Variants in MBD5 observed in about 807,000 individuals in gnomAD.
MBD5 encodes the protein methyl-CpG-binding domain protein 5.
In MBD5, 13 loss-of-function variants were observed where a neutral mutation model predicts 117.3. That is an observed-to-expected ratio of 0.11 (90% CI 0.07 to 0.18). MBD5 has a LOEUF of 0.18. MBD5 is among the 10% of genes least tolerant of loss of function. MBD5 has a pLI of 1.00. For synonymous variants in MBD5, 727 were observed against 766.4 expected, an observed-to-expected ratio of 0.95 and a Z score of 0.85; for missense variants, 1,879 against 2,093.8, an observed-to-expected ratio of 0.90 and a Z score of 2.00.
chr2:148,118,435 A>AAAAAATATAT (rs1021339753), intron 1 of MBD5, among the ~76,000 whole-genome samples: 2 of 148,490 alleles, frequency 1.3e-5, no homozygotes, highest in African/African-American at 5.0e-5. Context: ...CATAAAAAAA[A>AAAAAATATAT]ATATATATAT....
chr2:148,091,357 C>A (rs555609139), intron 1 of MBD5, among the ~76,000 whole-genome samples: 10 of 152,214 alleles, frequency 6.6e-5, no homozygotes, highest in Admixed American at 5.2e-4. Context: ...CAAAGCAAGA[C>A]TAAGCAAAAA....
At chr2:148,197,236 C>T (rs1241994793) in intron 2 of MBD5, among the ~76,000 whole-genome samples, 1 of 152,124 alleles carries the variant, frequency 6.6e-6, no homozygotes. Flanking sequence ...GACTGAGCCA[C>T]GTGAGAGGCT....
At chr2:148,308,487 CTTTCTT>C (rs1166890957) in intron 3 of MBD5, among the ~76,000 whole-genome samples, 13 of 27,696 alleles carry the variant, frequency 4.7e-4, no homozygotes, top group South Asian at 1.5e-3. Context: ...TGATGGGGTT[CTTTCTT>C]TTTTTTTTTT....
At chr2:148,290,354 T>TA (rs888086403) in intron 3 of MBD5, among the ~76,000 whole-genome samples, 6 of 151,974 alleles carry the variant, frequency 3.9e-5, no homozygotes, top group African/African-American at 1.2e-4. Flanking sequence ...TTGGGAAAGA[T>TA]ATATTTCTTA....
intron 4 of MBD5, among the ~76,000 whole-genome samples, chr2:148,353,673 C>A (rs1703301257): frequency 1.3e-5 from 2 of 151,958 alleles, no homozygotes; most frequent in Non-Finnish European, 2.9e-5. Context: ...TTCCGCCTCC[C>A]AAGCTCAAGT....
chr2:148,369,924 C>T (rs559447585), intron 4 of MBD5, among the ~76,000 whole-genome samples: 5 of 152,250 alleles, frequency 3.3e-5, no homozygotes, highest in African/African-American at 9.6e-5. Flanking sequence ...ACACATAAAA[C>T]TACTACATCC....
At chr2:148,063,550 A>C (rs891730710) in intron 1 of MBD5, among the ~76,000 whole-genome samples, 1 of 92,714 alleles carries the variant, frequency 1.1e-5, no homozygotes, top group Non-Finnish European at 2.1e-5. Context: ...TTTTCCAAGA[A>C]AACTTTTTTT....
intron 5 of MBD5, among the ~76,000 whole-genome samples, chr2:148,459,531 C>A (rs1208687893): frequency 6.6e-6 from 1 of 152,154 alleles, no homozygotes; most frequent in Non-Finnish European, 1.5e-5. Flanking sequence ...TAGTTGACAT[C>A]TAAGTTCCCT....
At chr2:148,452,652 T>C (rs1427440108) in intron 4 of MBD5, among the ~76,000 whole-genome samples, 1 of 152,230 alleles carries the variant, frequency 6.6e-6, no homozygotes, top group Non-Finnish European at 1.5e-5. Flanking sequence ...TTAATTTTTA[T>C]ATTGCTACAC....
intron 1 of MBD5, among the ~76,000 whole-genome samples, chr2:148,033,602 T>C (rs1694102925): frequency 6.6e-6 from 1 of 152,154 alleles, no homozygotes; most frequent in African/African-American, 2.4e-5. Context: ...AAATAATTGA[T>C]TAAGCAACTT....
chr2:148,316,058 G>C (rs1702149624), intron 3 of MBD5, among the ~76,000 whole-genome samples: 1 of 152,130 alleles, frequency 6.6e-6, no homozygotes, highest in African/African-American at 2.4e-5. Context: ...AGGAGGAAGA[G>C]AGCAAAGAGG....
chr2:148,394,545 G>GTTTTTTTTTTTTTCTTT (rs1704651751), intron 4 of MBD5, among the ~76,000 whole-genome samples: 3 of 121,852 alleles, frequency 2.5e-5, no homozygotes, highest in Non-Finnish European at 3.4e-5. Context: ...CTGTACTTTG[G>GTTTTTTTTTTTTTCTTT]TTTTTTTTTT....
intron 3 of MBD5, among the ~76,000 whole-genome samples, chr2:148,294,874 C>A (rs1317754792): frequency 6.6e-6 from 1 of 152,142 alleles, no homozygotes; most frequent in Non-Finnish European, 1.5e-5. Context: ...TTTATATCAT[C>A]CCTCTGCCTT....
chr2:148,176,315 T>G (rs867954935), intron 1 of MBD5, among the ~76,000 whole-genome samples: 1 of 151,308 alleles, frequency 6.6e-6, no homozygotes, highest in Non-Finnish European at 1.5e-5. Context: ...TTTTTTTTTT[T>G]TTTTTTTCAG....
In MBD5 at chr2:148,021,478, C is replaced by CTGT. The variant is rs1189845096; in HGVS notation, c.-1128_-1126dup. 3 of 576,848 alleles carry CTGT rather than the reference C, an allele frequency of 5.2e-6. No homozygotes were observed. The highest frequency in any genetic ancestry group is 1.0e-5 in the Non-Finnish European group (3 of 299,496). 35.7% of individuals were successfully genotyped at this position (576,848 alleles called of 1,614,324 possible). A position where few individuals can be genotyped will look rare whatever the true frequency, so the allele number is the denominator to read the frequency against. On this transcript the variant is annotated 5_prime_UTR_variant, in exon 1 of 14. Transcript: ENST00000642680. ...GCTGCTGCTGTTGCTGCTGCTGCTG[C>CTGT]TGTTGCTGCTGCTGCTGCTACTGCT...
At chr2:148,369,086 T>C (rs1001510222) in intron 4 of MBD5, among the ~76,000 whole-genome samples, 1 of 152,092 alleles carries the variant, frequency 6.6e-6, no homozygotes, top group Non-Finnish European at 1.5e-5. Flanking sequence ...GTGACCTCAA[T>C]TGAATTATGA....
intron 3 of MBD5, among the ~76,000 whole-genome samples, chr2:148,275,769 C>T (rs73966876): frequency 0.026 from 3,800 of 145,090 alleles, 85 homozygotes; most frequent in African/African-American, 0.051. Context: ...CTGGAAATCA[C>T]TTTTTTTTTT....
At chr2:148,225,291 A>C (rs1178603531) in intron 2 of MBD5, among the ~76,000 whole-genome samples, 1 of 145,458 alleles carries the variant, frequency 6.9e-6, no homozygotes, top group Middle Eastern at 3.4e-3. Flanking sequence ...ATAACAACTT[A>C]ACACTGTTTA....
intron 10 of MBD5, among the ~76,000 whole-genome samples, chr2:148,487,308 G>A (rs1428587786): frequency 1.3e-5 from 2 of 152,266 alleles, no homozygotes; most frequent in South Asian, 4.1e-4. Context: ...GTGGGATCCA[G>A]AATCTAGGAC....
Sources: allele counts gnomAD v4.1 joint callset (sites outside exome capture counted in the v4.1 genomes callset), GRCh38; gene constraint gnomAD v4.1.1; transcripts MANE v1.5; gene names NCBI Gene and HGNC (gene_info 2026-07-23, HGNC 2026-07-21).